The following CFAP54 variants were observed in gnomAD, a reference collection of about 807,000 sequenced individuals.
CFAP54 encodes the protein cilia- and flagella-associated protein 54.
In CFAP54, 290 loss-of-function variants were observed where a neutral mutation model predicts 370.4. The observed-to-expected ratio is 0.78, with a 90% CI of 0.71 to 0.86. The LOEUF is 0.86. Ranked by LOEUF, CFAP54 falls within the 40% of genes least tolerant of loss-of-function variation. CFAP54 has a pLI of 0.00. For missense variants in CFAP54, 3,399 were observed against 3,528.7 expected (o/e 0.96, Z 0.93); for synonymous variants, 1,206 against 1,236.5 (o/e 0.98, Z 0.52).
At chr12:96,659,077 T>C (rs1248481564) in intron 38 of CFAP54, among the ~76,000 whole-genome samples, 1 of 152,160 alleles carries the variant, frequency 6.6e-6, no homozygotes, top group African/African-American at 2.4e-5. Context: ...TGGAGTGCAA[T>C]GGCACGGTCT....
At chr12:96,714,787 A>T (rs1023383049) in intron 48 of CFAP54, among the ~76,000 whole-genome samples, 1 of 152,266 alleles carries the variant, frequency 6.6e-6, no homozygotes, top group African/African-American at 2.4e-5. Context: ...GTTTAAAAAA[A>T]AAACTGAAAA....
At chr12:96,843,840 A>G (rs1959259504) in intron 66 of CFAP54, among the ~76,000 whole-genome samples, 1 of 152,162 alleles carries the variant, frequency 6.6e-6, no homozygotes, top group African/African-American at 2.4e-5. Flanking sequence ...TAGGGTGAAC[A>G]TTTCTAAGAG....
intron 15 of CFAP54, among the ~76,000 whole-genome samples, chr12:96,550,507 G>A (rs1307610427): frequency 6.6e-6 from 1 of 152,124 alleles, no homozygotes; most frequent in Admixed American, 6.5e-5. Context: ...AACCTGGGAG[G>A]CGGAGGTTGC....
At chr12:96,626,580 A>G (rs541105332) in intron 29 of CFAP54, among the ~76,000 whole-genome samples, 44 of 152,260 alleles carry the variant, frequency 2.9e-4, no homozygotes, top group South Asian at 1.0e-3. Flanking sequence ...ATCTTTCTCA[A>G]TGCTGAGATA....
chr12:96,811,733 T>C lies in CFAP54; in HGVS notation c.8851-3T>C, dbSNP rs533579855. 8 of 1,433,648 alleles carry C rather than the reference T, an allele frequency of 5.6e-6. No individual in the cohort carries two copies. In the Admixed American group the frequency reaches 1.6e-4, roughly 29 times the overall value. 88.8% of individuals were successfully genotyped at this position (1,433,648 alleles called of 1,614,324 possible). On this transcript the variant is annotated splice_region_variant and splice_polypyrimidine_tract_variant and intron_variant, in intron 63 of 67. Transcript: ENST00000524981. ...TTTTATACCCCTTTTATTTTTCTTA[T>C]AGGTTTTATTGTTGTATGCATATAA...
chr12:96,856,003 A>G (rs1008995671), intron 66 of CFAP54, among the ~76,000 whole-genome samples: 2 of 152,172 alleles, frequency 1.3e-5, no homozygotes, highest in Admixed American at 1.3e-4. Context: ...AGGTTCCCAA[A>G]CCTCAATTCT....
At chr12:96,781,020 A>G (rs1323130616) in intron 60 of CFAP54, among the ~76,000 whole-genome samples, 3 of 152,124 alleles carry the variant, frequency 2.0e-5, no homozygotes, top group African/African-American at 7.2e-5. Context: ...CAGGCTTGCA[A>G]ATGAAGAAAG....
At chr12:96,724,526 G>A (rs946290483) in intron 50 of CFAP54, among the ~76,000 whole-genome samples, 3 of 152,144 alleles carry the variant, frequency 2.0e-5, no homozygotes, top group Non-Finnish European at 2.9e-5. Flanking sequence ...GGGGTTGTTT[G>A]TTTTTTTCTT....
intron 26 of CFAP54, among the ~76,000 whole-genome samples, chr12:96,611,173 C>T (rs567439581): frequency 3.0e-4 from 45 of 152,338 alleles, no homozygotes; most frequent in Non-Finnish European, 5.1e-4. Context: ...TGGCTGGGTA[C>T]CCCTCTGAGA....
rs181744570 is a variant in CFAP54 at position 96,855,780 on chromosome 12, G to A, written c.9172-5039G>A. 4.5e-3 allele frequency among the ~76,000 whole-genome samples: 686 copies of A among 152,292 alleles called. 4 individuals are homozygous for A. Among genetic ancestry groups the A allele is most frequent in the African/African-American group, 0.015 (639 of 41,540 alleles). ...CTTTTCCAGGTGCACAGTGCAAGCC[G>A]TCAGTGGATCTACCCTTCTGGAGTC... On this transcript the variant is annotated intron_variant, in intron 66 of 67. Coordinates refer to ENST00000524981, the MANE Select transcript of CFAP54 (RefSeq NM_001306084.2).
intron 26 of CFAP54, among the ~76,000 whole-genome samples, chr12:96,605,116 C>T (rs976043748): frequency 6.6e-6 from 1 of 152,192 alleles, no homozygotes; most frequent in Non-Finnish European, 1.5e-5. Context: ...TTGGAAGCGA[C>T]TGCATTTGTA....
At chr12:96,768,668 A>G (rs1251471468) in intron 60 of CFAP54, among the ~76,000 whole-genome samples, 1 of 152,098 alleles carries the variant, frequency 6.6e-6, no homozygotes, top group Non-Finnish European at 1.5e-5. Context: ...AAAAAACAAA[A>G]CAAAGCAAAA....
At position 96,519,678 on chromosome 12, in the gene CFAP54, A is replaced by G. The variant is rs1449955796; in HGVS notation, c.942+607A>G. ...TTTTTAAATGACAAATAATAATTGTATATACTTATGAGGTACAATGTGATG... is the reference window on the plus strand; with the variant it reads ...TTTTTAAATGACAAATAATAATTGTGTATACTTATGAGGTACAATGTGATG... On this transcript the variant is annotated intron_variant, in intron 6 of 67. Transcript: ENST00000524981. Among the ~76,000 whole-genome samples, 6 of 152,232 alleles carry G rather than the reference A, an allele frequency of 3.9e-5. No homozygotes were observed. The East Asian group carries it at 9.6e-4, about 24-fold the overall frequency.
intron 67 of CFAP54, among the ~76,000 whole-genome samples, chr12:96,866,347 A>T (rs1960005355): frequency 6.6e-6 from 1 of 152,130 alleles, no homozygotes; most frequent in South Asian, 2.1e-4. Flanking sequence ...GTTAAGAGGG[A>T]TGGGAATTTT....
At chr12:96,496,075 T>G (rs1466520287) in intron 1 of CFAP54, among the ~76,000 whole-genome samples, 1 of 152,218 alleles carries the variant, frequency 6.6e-6, no homozygotes, top group African/African-American at 2.4e-5. Context: ...ATGTCTGTGG[T>G]TTATATTTGC....
chr12:96,660,747 G>C (rs1348122293), intron 38 of CFAP54, among the ~76,000 whole-genome samples: 4 of 152,120 alleles, frequency 2.6e-5, no homozygotes, highest in Non-Finnish European at 5.9e-5. Flanking sequence ...GATAGCATCA[G>C]ACCCCAGAGG....
At chr12:96,691,588 C>T (rs1483652735) in intron 44 of CFAP54, among the ~76,000 whole-genome samples, 2 of 152,106 alleles carry the variant, frequency 1.3e-5, no homozygotes, top group Non-Finnish European at 2.9e-5. Context: ...GATCAGAATG[C>T]ATCACTGATC....
chr12:96,522,741 C>T (rs910145457), intron 8 of CFAP54, among the ~76,000 whole-genome samples: 1 of 152,104 alleles, frequency 6.6e-6, no homozygotes, highest in African/African-American at 2.4e-5. Context: ...AAAAGCTGCT[C>T]AGGGCCAGGC....
At chr12:96,690,516 T>G (rs1299909954) in intron 43 of CFAP54, among the ~76,000 whole-genome samples, 1 of 152,184 alleles carries the variant, frequency 6.6e-6, no homozygotes, top group African/African-American at 2.4e-5. Flanking sequence ...GTGGTCAAAT[T>G]AAACAATAAT....
Sources: gnomAD v4.1 joint callset for allele counts (sites outside exome capture counted in the v4.1 genomes callset) on GRCh38, gnomAD v4.1.1 for gene constraint, MANE v1.5 for transcripts, NCBI Gene and HGNC (gene_info 2026-07-23, HGNC 2026-07-21) for gene names.